SND1: variants seen among roughly 807,000 people sequenced by gnomAD.
The protein encoded by SND1 is staphylococcal nuclease domain-containing protein 1.
In SND1, 38 loss-of-function variants were observed where a neutral mutation model predicts 121.7. The ratio of observed to expected loss-of-function variants is 0.31; its 90% CI spans 0.24 to 0.41. The LOEUF (loss-of-function observed/expected upper bound fraction) is 0.41, where lower values mean the gene tolerates loss of function less well. Ranked by LOEUF, SND1 falls within the 10% of genes least tolerant of loss-of-function variation. The pLI, the probability that SND1 is intolerant of heterozygous loss-of-function variation, is 1.00. For missense variants in SND1, 868 were observed against 1,184.6 expected (o/e 0.73, Z 3.92); for synonymous variants, 401 against 447.4 (o/e 0.90, Z 1.31).
Position 128,030,074 on chromosome 7 carries a change from C to G in SND1, c.1779+39018C>G, listed in dbSNP as rs565290017. 14 of 1,613,552 alleles carry G rather than the reference C, an allele frequency of 8.7e-6. No homozygotes were observed. The South Asian group carries it at 1.5e-4, about 18-fold the overall frequency. On this transcript the variant is annotated intron_variant, in intron 16 of 23. Transcript: ENST00000354725. ...GGTTGAACAGCCCCTCAAAAGCTCCCTCAGAGATATACTCCAGCTTCTTGA... is the reference window on the plus strand; with the variant it reads ...GGTTGAACAGCCCCTCAAAAGCTCCGTCAGAGATATACTCCAGCTTCTTGA...
At chr7:127,897,281 A>G (rs540431143) in intron 13 of SND1, among the ~76,000 whole-genome samples, 4 of 152,270 alleles carry the variant, frequency 2.6e-5, no homozygotes, top group Non-Finnish European at 5.9e-5. Context: ...CAGAATAAAT[A>G]TAGCTCACAT....
In SND1 at chr7:128,017,539, T is replaced by C. The variant is rs190168974; in HGVS notation, c.1779+26483T>C. Among the ~76,000 whole-genome samples the C allele has an allele frequency of 3.3e-5, 5 of 152,350 alleles. No homozygotes were observed. The East Asian group carries it at 9.6e-4, about 29-fold the overall frequency. ...ACAAGTCAGGAAAAGATTGCCTAGCTGACTCTTCCCTGGTCTCAGTTCCGA... is the reference window on the plus strand; with the variant it reads ...ACAAGTCAGGAAAAGATTGCCTAGCCGACTCTTCCCTGGTCTCAGTTCCGA... On this transcript the variant is annotated intron_variant, in intron 16 of 23. Coordinates refer to ENST00000354725, the MANE Select transcript of SND1 (RefSeq NM_014390.4).
At chr7:127,685,220 A>C (rs1795791799) in intron 1 of SND1, among the ~76,000 whole-genome samples, 2 of 152,202 alleles carry the variant, frequency 1.3e-5, no homozygotes, top group African/African-American at 4.8e-5. Context: ...TGAAAGCGTT[A>C]GTTAAGGTAG....
At chr7:127,682,196 G>T in intron 1 of SND1, among the ~76,000 whole-genome samples, 1 of 152,124 alleles carries the variant, frequency 6.6e-6, no homozygotes, top group Non-Finnish European at 1.5e-5. Flanking sequence ...TCCTGTTGCT[G>T]GGCAACATTT....
At chr7:128,003,192 A>G (rs2116935863) in intron 16 of SND1, among the ~76,000 whole-genome samples, 1 of 152,318 alleles carries the variant, frequency 6.6e-6, no homozygotes, top group African/African-American at 2.4e-5. Flanking sequence ...CCTGGGCAAC[A>G]GAGCCAAGAC....
At chr7:128,083,218 G>T (rs559263209) in intron 18 of SND1, among the ~76,000 whole-genome samples, 17 of 152,328 alleles carry the variant, frequency 1.1e-4, no homozygotes, top group Non-Finnish European at 1.8e-4. Context: ...GACCAGTGAG[G>T]CTCTGTAAGG....
At chr7:127,858,128 C>G in intron 12 of SND1, 2 of 866,500 alleles carry the variant, frequency 2.3e-6, no homozygotes, top group Non-Finnish European at 4.0e-6. Flanking sequence ...GCGAACATGT[C>G]TAGGGAGTGT....
At chr7:127,665,768 G>A (rs182127900) in intron 1 of SND1, among the ~76,000 whole-genome samples, 5 of 152,132 alleles carry the variant, frequency 3.3e-5, no homozygotes, top group South Asian at 2.1e-4. Context: ...CCAGGAGAGC[G>A]GGAATTACTG....
At chr7:127,863,396 A>G (rs928909027) in intron 12 of SND1, among the ~76,000 whole-genome samples, 2 of 152,144 alleles carry the variant, frequency 1.3e-5, no homozygotes, top group African/African-American at 4.8e-5. Context: ...TTATGGCCAG[A>G]GTGTTAATAT....
At position 127,703,225 on chromosome 7, in the gene SND1, G is replaced by T; in HGVS notation, c.742G>T (p.Ala248Ser). ...SETPEPFAAE[A>S]KFFTESRLLQ... ...AACTCCAGAGCCTTTTGCTGCAGAA[G>T]CCAAATTTTTCACTGAGTCGCGACT... The change falls in exon 7 of 24, where the codon GCC becomes TCC. Residue 248 changes from alanine (A) to serine (S), a missense_variant. By Grantham distance (99) the Ala-to-Ser change is moderately conservative (BLOSUM62 1). Transcript: ENST00000354725. 1 of 1,614,144 alleles carries T rather than the reference G, an allele frequency of 6.2e-7. No homozygotes were observed. The highest frequency in any genetic ancestry group is 8.5e-7 in the Non-Finnish European group (1 of 1,180,004).
intron 1 of SND1, among the ~76,000 whole-genome samples, chr7:127,677,866 C>T (rs979916500): frequency 6.6e-6 from 1 of 152,176 alleles, no homozygotes; most frequent in African/African-American, 2.4e-5. Context: ...GGCTGTAGTT[C>T]GCCAATCCTG....
chr7:127,717,692 A>G (rs1181892613), intron 9 of SND1, among the ~76,000 whole-genome samples: 1 of 152,168 alleles, frequency 6.6e-6, no homozygotes, highest in African/African-American at 2.4e-5. Flanking sequence ...ACGTCATCAA[A>G]CCACAGTCTC....
At chr7:127,923,491 T>C (rs1304333260) in intron 14 of SND1, among the ~76,000 whole-genome samples, 1 of 152,184 alleles carries the variant, frequency 6.6e-6, no homozygotes, top group Non-Finnish European at 1.5e-5. Context: ...AAGTGCTTTA[T>C]GGTAACACAG....
Position 127,952,989 on chromosome 7 carries a change from C to T in SND1, c.1669+23660C>T, listed in dbSNP as rs575233495. Among the ~76,000 whole-genome samples, 117 of 152,030 alleles carry T rather than the reference C, an allele frequency of 7.7e-4. 1 individual carries two copies. The highest frequency in any genetic ancestry group is 1.2e-3 in the Admixed American group (19 of 15,274). On this transcript the variant is annotated intron_variant, in intron 15 of 23. Coordinates refer to ENST00000354725, the MANE Select transcript of SND1 (RefSeq NM_014390.4). ...ACCAGCCCTGGCCATATAGTGAGACCCCCATCTCTACAAAAAATTTAAAAA... is the reference window on the plus strand; with the variant it reads ...ACCAGCCCTGGCCATATAGTGAGACTCCCATCTCTACAAAAAATTTAAAAA...
chr7:127,666,401 A>G (rs1795419368), intron 1 of SND1, among the ~76,000 whole-genome samples: 1 of 152,194 alleles, frequency 6.6e-6, no homozygotes, highest in South Asian at 2.1e-4. Flanking sequence ...GAGAAGAATA[A>G]GCTCAGGACT....
intron 10 of SND1, among the ~76,000 whole-genome samples, chr7:127,727,345 C>T (rs1008179610): frequency 1.3e-4 from 20 of 152,132 alleles, no homozygotes; most frequent in African/African-American, 3.9e-4. Flanking sequence ...TTATGTAAGG[C>T]ACTGATAACT....
At chr7:127,703,400 C>T (rs1796137305) in intron 7 of SND1, 77 bp downstream of exon 7, 1 of 1,506,610 alleles carries the variant, frequency 6.6e-7, no homozygotes, top group Non-Finnish European at 9.1e-7. Context: ...GTTTGCTTCT[C>T]TTTCTCTGTA....
intron 10 of SND1, among the ~76,000 whole-genome samples, chr7:127,788,379 A>C (rs1458626452): frequency 6.6e-6 from 1 of 152,224 alleles, no homozygotes; most frequent in Non-Finnish European, 1.5e-5. Context: ...TAGAGAATAG[A>C]ATATTTATGA....
chr7:127,713,696 G>C (rs1052430283), intron 9 of SND1, among the ~76,000 whole-genome samples: 1 of 152,204 alleles, frequency 6.6e-6, no homozygotes, highest in Non-Finnish European at 1.5e-5. Flanking sequence ...AAAGCTGTAG[G>C]TCAGAGTGCC....
Sources: allele counts gnomAD v4.1 joint callset (sites outside exome capture counted in the v4.1 genomes callset), GRCh38; gene constraint gnomAD v4.1.1; transcripts MANE v1.5; gene names NCBI Gene and HGNC (gene_info 2026-07-23, HGNC 2026-07-21).